The following SUCLG2 variants were observed in gnomAD, a reference collection of about 807,000 sequenced individuals.
SUCLG2 encodes the protein succinate--CoA ligase [GDP-forming] subunit beta, mitochondrial.
A neutral mutation model predicts 47.9 loss-of-function variants in SUCLG2; 42 were observed. That is an observed-to-expected ratio of 0.88 (90% CI 0.69 to 1.14). SUCLG2 has a LOEUF of 1.14. SUCLG2 is among the 50% of genes most tolerant of loss of function. The pLI, the probability that SUCLG2 is intolerant of heterozygous loss-of-function variation, is 0.00. For synonymous variants in SUCLG2, 195 were observed against 197.3 expected, an observed-to-expected ratio of 0.99 and a Z score of 0.10; for missense variants, 571 against 525.9, an observed-to-expected ratio of 1.09 and a Z score of -0.84.
At chr3:67,490,260 C>T (rs1025837243) in intron 9 of SUCLG2, among the ~76,000 whole-genome samples, 1 of 152,158 alleles carries the variant, frequency 6.6e-6, no homozygotes, top group Non-Finnish European at 1.5e-5. Flanking sequence ...TCTAAATGTG[C>T]AATAATTTAA....
intron 2 of SUCLG2, among the ~76,000 whole-genome samples, chr3:67,536,861 C>T (rs1706558635): frequency 6.6e-6 from 1 of 152,148 alleles, no homozygotes; most frequent in African/African-American, 2.4e-5. Flanking sequence ...TAGCGCAATC[C>T]TACTTCCATG....
chr3:67,367,529 A>T (rs1196537549), intron 10 of SUCLG2, among the ~76,000 whole-genome samples: 1 of 152,118 alleles, frequency 6.6e-6, no homozygotes, highest in South Asian at 2.1e-4. Flanking sequence ...TACTATAGTA[A>T]ATTAATACAT....
intron 9 of SUCLG2, among the ~76,000 whole-genome samples, chr3:67,491,885 C>G (rs976519821): frequency 6.6e-6 from 1 of 152,134 alleles, no homozygotes; most frequent in Non-Finnish European, 1.5e-5. Context: ...GAGGTAAGTA[C>G]TGCTATTATT....
intron 1 of SUCLG2, among the ~76,000 whole-genome samples, chr3:67,612,563 A>G (rs1405537535): frequency 6.6e-6 from 1 of 152,214 alleles, no homozygotes; most frequent in Non-Finnish European, 1.5e-5. Context: ...GCTAGGCATT[A>G]TATTAAATAT....
chr3:67,445,731 G>C, intron 9 of SUCLG2, among the ~76,000 whole-genome samples: 1 of 46,762 alleles, frequency 2.1e-5, no homozygotes, highest in Non-Finnish European at 4.4e-5. Flanking sequence ...ATTCTGCTCA[G>C]TGTAAAAGTG....
intron 2 of SUCLG2, among the ~76,000 whole-genome samples, chr3:67,530,143 G>C (rs1310741006): frequency 6.6e-6 from 1 of 152,094 alleles, no homozygotes; most frequent in African/African-American, 2.4e-5. Flanking sequence ...AGAGTATTCT[G>C]GTTCAGTATA....
rs181848356 is a variant in SUCLG2, at chr3:67,365,101, C to G, written c.1184-4333G>C. On this transcript the variant is annotated intron_variant, in intron 10 of 10. Transcript: ENST00000493112. ...TGGAAGACAGAATGATAGAAATTAC[C>G]CAATTTGAACAATGCAGAGAAAACA... Among the ~76,000 whole-genome samples the G allele has an allele frequency of 4.6e-5, 7 of 152,124 alleles. No individual in the cohort carries two copies. The East Asian group carries it at 1.4e-3, about 29-fold the overall frequency.
At chr3:67,476,252 C>T (rs57948813) in intron 9 of SUCLG2, among the ~76,000 whole-genome samples, 3 of 151,830 alleles carry the variant, frequency 2.0e-5, no homozygotes, top group South Asian at 2.1e-4. Context: ...GGCAAGCAAA[C>T]GAAGCTTCAT....
At chr3:67,494,115 A>G (rs1364957421) in intron 9 of SUCLG2, among the ~76,000 whole-genome samples, 3 of 152,204 alleles carry the variant, frequency 2.0e-5, no homozygotes, top group African/African-American at 4.8e-5. Flanking sequence ...TACTACCAAT[A>G]TAAGACAAAA....
intron 9 of SUCLG2, among the ~76,000 whole-genome samples, chr3:67,457,989 TG>T (rs1481133916): frequency 6.6e-6 from 1 of 152,138 alleles, no homozygotes; most frequent in African/African-American, 2.4e-5. Flanking sequence ...TGAGAAGGCT[TG>T]GGAGTCTCTG....
At chr3:67,369,955 T>C (rs1228588764), downstream of SUCLG2, among the ~76,000 whole-genome samples, 1 of 152,162 alleles carries the variant, frequency 6.6e-6, no homozygotes, top group Non-Finnish European at 1.5e-5. Context: ...TAATGAAGAG[T>C]ATCTACTTTC....
intron 2 of SUCLG2, among the ~76,000 whole-genome samples, chr3:67,599,898 T>C (rs1708379936): frequency 6.6e-6 from 1 of 152,184 alleles, no homozygotes; most frequent in Admixed American, 6.5e-5. Context: ...TTTTAAACCT[T>C]CTCAATTCAT....
intron 9 of SUCLG2, among the ~76,000 whole-genome samples, chr3:67,429,037 A>G (rs1042594383): frequency 6.6e-6 from 1 of 152,214 alleles, no homozygotes; most frequent in Admixed American, 6.5e-5. Context: ...TCAGGACATT[A>G]CCCAGAAGAA....
At chr3:67,434,548 G>A (rs1410949576) in intron 9 of SUCLG2, among the ~76,000 whole-genome samples, 1 of 151,956 alleles carries the variant, frequency 6.6e-6, no homozygotes, top group African/African-American at 2.4e-5. Flanking sequence ...ACAACAATGT[G>A]GGACTGTGAA....
intron 2 of SUCLG2, among the ~76,000 whole-genome samples, chr3:67,563,402 A>G (rs1028903955): frequency 6.6e-6 from 1 of 152,208 alleles, no homozygotes; most frequent in African/African-American, 2.4e-5. Context: ...TCAGAATAAC[A>G]CATTTAGCCT....
rs1203194390 is a variant in SUCLG2, at chr3:67,443,393, C to T, written c.1063-42542G>A. 4.2e-5 allele frequency among the ~76,000 whole-genome samples: 3 copies of T among 70,864 alleles called. 1 individual carries two copies. Among genetic ancestry groups the T allele is most frequent in the Non-Finnish European group, 6.2e-5 (2 of 32,102 alleles). The allele number at this position is 70,864 out of a possible 152,430, so 46.5% of individuals were successfully genotyped here. On this transcript the variant is annotated intron_variant, in intron 9 of 10. Coordinates refer to ENST00000307227, the MANE Select transcript of SUCLG2 (RefSeq NM_003848.4). ...AGCGGCTGGAGGAGCGGACGGGCCCCGCGGGGCCCGAGGGCAAGGAGCAGC... is the reference window on the plus strand; with the variant it reads ...AGCGGCTGGAGGAGCGGACGGGCCCTGCGGGGCCCGAGGGCAAGGAGCAGC...
chr3:67,401,680 A>G (rs1173828300), intron 9 of SUCLG2, among the ~76,000 whole-genome samples: 1 of 152,126 alleles, frequency 6.6e-6, no homozygotes, highest in Non-Finnish European at 1.5e-5. Flanking sequence ...AGAATTCATT[A>G]CCTAGATTAA....
At chr3:67,441,528 C>T (rs1189109278) in intron 9 of SUCLG2, among the ~76,000 whole-genome samples, 1 of 152,154 alleles carries the variant, frequency 6.6e-6, no homozygotes, top group African/African-American at 2.4e-5. Flanking sequence ...GCATCCCTAA[C>T]CAACAGTTTG....
At chr3:67,440,483 T>C (rs1292855670) in intron 9 of SUCLG2, among the ~76,000 whole-genome samples, 2 of 152,230 alleles carry the variant, frequency 1.3e-5, no homozygotes, top group South Asian at 2.1e-4. Flanking sequence ...AATCTACCCA[T>C]ATGACAAAGG....
Sources: allele counts gnomAD v4.1 joint callset (sites outside exome capture counted in the v4.1 genomes callset), GRCh38; gene constraint gnomAD v4.1.1; transcripts MANE v1.5; gene names NCBI Gene and HGNC (gene_info 2026-07-23, HGNC 2026-07-21).